PALM2AKAP2: variants seen among roughly 807,000 people sequenced by gnomAD.
PALM2AKAP2 encodes the protein PALM2 and AKAP2 fusion, also known as PALM2-AKAP2 fusion protein.
Under a neutral mutation model 71.5 loss-of-function variants are expected in PALM2AKAP2, and 37 were observed. The ratio of observed to expected loss-of-function variants is 0.52; its 90% confidence interval spans 0.40 to 0.68. The LOEUF is 0.68. PALM2AKAP2 is among the 30% of genes least tolerant of loss of function. The pLI is 0.00. For synonymous variants in PALM2AKAP2, 468 were observed against 478.8 expected, an observed-to-expected ratio of 0.98 and a Z score of 0.29; for missense variants, 1,224 against 1,191.8, an observed-to-expected ratio of 1.03 and a Z score of -0.40.
At chr9:110,000,311 C>T (rs987573908) in intron 6 of PALM2AKAP2, among the ~76,000 whole-genome samples, 2 of 152,090 alleles carry the variant, frequency 1.3e-5, no homozygotes, top group East Asian at 1.9e-4. Flanking sequence ...TGGTTTCCAG[C>T]TTCATCCATG....
chr9:109,845,596 T>C (rs752559472), intron 1 of PALM2AKAP2, among the ~76,000 whole-genome samples: 1 of 152,164 alleles, frequency 6.6e-6, no homozygotes, highest in Non-Finnish European at 1.5e-5. Flanking sequence ...ACAGAAATGA[T>C]GTTTGTGGAG....
intron 5 of PALM2AKAP2, 78 bp downstream of exon 5, chr9:109,925,160 A>G: frequency 6.3e-7 from 1 of 1,596,840 alleles, no homozygotes; most frequent in Non-Finnish European, 8.6e-7. Context: ...CAGGGGCTTA[A>G]GGAAGAGGTA....
In PALM2AKAP2 at chr9:110,147,138, C is replaced by T. The variant is rs191807263; in HGVS notation, c.2569+8599C>T. On this transcript the variant is annotated intron_variant, in intron 2 of 3. Transcript: ENST00000374525. ...TGGTGTCACATGCCTGTAATCCCAG[C>T]TACTCGGGAGGCTGAGGCAGGAGAA... 3.9e-3 allele frequency among the ~76,000 whole-genome samples: 595 copies of T among 151,856 alleles called. 16 individuals carry two copies. Among genetic ancestry groups the T allele is most frequent in the Admixed American group, 0.032 (487 of 15,242 alleles).
At chr9:110,068,450 TG>T (rs1390548112) in intron 1 of PALM2AKAP2, among the ~76,000 whole-genome samples, 1 of 148,964 alleles carries the variant, frequency 6.7e-6, no homozygotes, top group African/African-American at 2.6e-5. Flanking sequence ...GCTCTAGTGG[TG>T]GGTCTGAGGT....
At position 110,011,017 on chromosome 9, in the gene PALM2AKAP2, AT is replaced by A. The variant is rs1334295435; in HGVS notation, c.497-4936del. Among the ~76,000 whole-genome samples, 120 of 123,000 alleles carry A rather than the reference AT, an allele frequency of 9.8e-4. 1 individual carries two copies. Among genetic ancestry groups the A allele is most frequent in the African/African-American group, 2.1e-3 (64 of 31,136 alleles). The allele number at this position is 123,000 out of a possible 152,430, so 80.7% of individuals were successfully genotyped here. A position where few individuals can be genotyped will look rare whatever the true frequency, so the allele number is the denominator to read the frequency against. ...GTCTCAAAAAAAAAAAAAAAAAAAT[AT>A]ATATATATATATATATATACTTTTG... On this transcript the variant is annotated intron_variant, in intron 6 of 9. Coordinates refer to the PALM2AKAP2 transcript ENST00000302798.
At chr9:110,084,486 G>A (rs970458418) in intron 1 of PALM2AKAP2, among the ~76,000 whole-genome samples, 19 of 152,190 alleles carry the variant, frequency 1.2e-4, no homozygotes, top group Middle Eastern at 3.4e-3. Context: ...AAGTACCAAG[G>A]ATATCCTTGG....
intron 1 of PALM2AKAP2, among the ~76,000 whole-genome samples, chr9:109,739,980 C>G (rs1202429261): frequency 6.6e-6 from 1 of 152,172 alleles, no homozygotes; most frequent in Non-Finnish European, 1.5e-5. Context: ...TCATAGAGTT[C>G]TTTGAAGTAG....
intron 1 of PALM2AKAP2, among the ~76,000 whole-genome samples, chr9:109,656,680 G>T (rs968126430): frequency 5.9e-5 from 9 of 152,214 alleles, no homozygotes; most frequent in African/African-American, 2.2e-4. Context: ...AGGGCAAAGA[G>T]GAATTAGGGG....
chr9:109,837,590 G>T (rs1410314655), intron 1 of PALM2AKAP2, among the ~76,000 whole-genome samples: 3 of 152,082 alleles, frequency 2.0e-5, no homozygotes, highest in Non-Finnish European at 4.4e-5. Flanking sequence ...TGGCAAATTA[G>T]ATAAAGAGTC....
intron 2 of PALM2AKAP2, among the ~76,000 whole-genome samples, chr9:109,873,291 T>C (rs1829647696): frequency 6.6e-6 from 1 of 151,964 alleles, no homozygotes; most frequent in Non-Finnish European, 1.5e-5. Flanking sequence ...GGCAAAACCC[T>C]GTCTCTACTA....
intron 1 of PALM2AKAP2, among the ~76,000 whole-genome samples, chr9:109,659,847 A>G (rs1460909230): frequency 2.0e-5 from 3 of 152,138 alleles, no homozygotes; most frequent in Non-Finnish European, 4.4e-5. Flanking sequence ...AAAACTTTTT[A>G]TTTATTTTTT....
chr9:109,725,865 GTC>G (rs1401323392), intron 1 of PALM2AKAP2, among the ~76,000 whole-genome samples: 1 of 152,194 alleles, frequency 6.6e-6, no homozygotes, highest in African/African-American at 2.4e-5. Flanking sequence ...ACTTCACACA[GTC>G]TCTCATCGTG....
intron 1 of PALM2AKAP2, among the ~76,000 whole-genome samples, chr9:110,066,432 C>G: frequency 6.6e-6 from 1 of 152,180 alleles, no homozygotes; most frequent in Non-Finnish European, 1.5e-5. Flanking sequence ...CGTGGTGATT[C>G]ATGCCTGTAA....
intron 1 of PALM2AKAP2, among the ~76,000 whole-genome samples, chr9:110,133,854 G>A (rs567118135): frequency 2.0e-5 from 3 of 152,162 alleles, no homozygotes; most frequent in South Asian, 2.1e-4. Flanking sequence ...TCCATGGAGT[G>A]GGCTAATTTT....
At chr9:109,985,974 G>T (rs1009315379) in intron 6 of PALM2AKAP2, among the ~76,000 whole-genome samples, 2 of 152,116 alleles carry the variant, frequency 1.3e-5, no homozygotes, top group Non-Finnish European at 2.9e-5. Context: ...TATTCCGGCT[G>T]CATACCTCCC....
At chr9:109,994,182 T>C (rs572997036) in intron 6 of PALM2AKAP2, among the ~76,000 whole-genome samples, 1 of 152,340 alleles carries the variant, frequency 6.6e-6, no homozygotes, top group South Asian at 2.1e-4. Flanking sequence ...ATCAGAGTGA[T>C]CCTGTGTCAT....
chr9:109,942,846 C>T (rs149868902), intron 6 of PALM2AKAP2: 263 of 1,613,800 alleles, frequency 1.6e-4, no homozygotes, highest in Middle Eastern at 3.3e-4. Context: ...CAGGAGGCAC[C>T]GTAGTAGAAA....
At chr9:109,757,082 C>A in intron 1 of PALM2AKAP2, among the ~76,000 whole-genome samples, 1 of 152,042 alleles carries the variant, frequency 6.6e-6, no homozygotes, top group East Asian at 1.9e-4. Flanking sequence ...TGTATGTTTG[C>A]GCCTATTCGC....
At chr9:110,144,213 G>T (rs555842503) in intron 2 of PALM2AKAP2, among the ~76,000 whole-genome samples, 5 of 152,216 alleles carry the variant, frequency 3.3e-5, no homozygotes, top group African/African-American at 1.2e-4. Flanking sequence ...AAGGATTGAT[G>T]ATGAGAGAGC....
Sources: gnomAD v4.1 joint callset for allele counts (sites outside exome capture counted in the v4.1 genomes callset) on GRCh38, gnomAD v4.1.1 for gene constraint, MANE v1.5 for transcripts, NCBI Gene and HGNC (gene_info 2026-07-23, HGNC 2026-07-21) for gene names.